Variants in PRDM16 observed in about 807,000 individuals in gnomAD.
PRDM16 encodes the protein PR/SET domain 16.
In PRDM16, 23 loss-of-function variants were observed where a neutral mutation model predicts 110.6. The observed-to-expected ratio is 0.21, with a 90% CI of 0.15 to 0.29. PRDM16 has a LOEUF of 0.29. PRDM16 is among the 10% of genes least tolerant of loss of function. The probability of loss-of-function intolerance (pLI) is 1.00; values close to 1 mark genes in which losing one functional copy is unlikely to be tolerated. For synonymous variants in PRDM16, 799 were observed against 781.8 expected, an observed-to-expected ratio of 1.02 and a Z score of -0.37; for missense variants, 1,615 against 1,794.3, an observed-to-expected ratio of 0.90 and a Z score of 1.81.
At chr1:3,152,394 A>T (rs945596563) in intron 1 of PRDM16, among the ~76,000 whole-genome samples, 1 of 117,516 alleles carries the variant, frequency 8.5e-6, no homozygotes, top group Non-Finnish European at 1.6e-5. Context: ...TTATCCATCC[A>T]TCCATCCATT....
At chr1:3,110,303 C>A (rs1186704971) in intron 1 of PRDM16, among the ~76,000 whole-genome samples, 2 of 147,734 alleles carry the variant, frequency 1.4e-5, no homozygotes, top group Non-Finnish European at 3.0e-5. Flanking sequence ...TCTGCGGCTC[C>A]CCCATGTCCT....
chr1:3,070,134 TC>T (rs2100492956), intron 1 of PRDM16, among the ~76,000 whole-genome samples: 1 of 151,794 alleles, frequency 6.6e-6, no homozygotes, highest in East Asian at 2.0e-4. Flanking sequence ...CGTGGACCCC[TC>T]TGTACCCGCT....
intron 1 of PRDM16, among the ~76,000 whole-genome samples, chr1:3,155,609 C>A (rs1643848350): frequency 6.6e-6 from 1 of 152,284 alleles, no homozygotes. Flanking sequence ...GGGCCGCAGG[C>A]TCCCAGCACG....
chr1:3,237,432 G>A (rs1476115793), intron 2 of PRDM16, among the ~76,000 whole-genome samples: 5 of 152,098 alleles, frequency 3.3e-5, no homozygotes, highest in South Asian at 2.1e-4. Context: ...CCTCTTCCTC[G>A]TGTTGATGTT....
Position 3,175,761 on chromosome 1 carries a change from C to T in PRDM16, c.38-10364C>T, listed in dbSNP as rs1038070447. Among the ~76,000 whole-genome samples, 4 of 152,266 alleles carry T rather than the reference C, an allele frequency of 2.6e-5. No individual in the cohort carries two copies. The highest frequency in any genetic ancestry group is 4.1e-4 in the South Asian group (2 of 4,824). On this transcript the variant is annotated intron_variant, in intron 1 of 16. Transcript: ENST00000270722. This position sits in a 1 kb window ranked among gnomAD's most constrained non-coding sequence, Gnocchi z 4.8. Reference sequence around the variant, plus strand: ...GCAGCAGAGAAACCAGCCCTTTCTCCGAGGCAGGGCCTGGCTGAGAAAGCC... The same window carrying T: ...GCAGCAGAGAAACCAGCCCTTTCTCTGAGGCAGGGCCTGGCTGAGAAAGCC...
intron 1 of PRDM16, among the ~76,000 whole-genome samples, chr1:3,106,170 A>C (rs1642647938): frequency 6.6e-6 from 1 of 152,134 alleles, no homozygotes. Flanking sequence ...TATGGGGGGA[A>C]GCCCCTGGGG....
intron 3 of PRDM16, among the ~76,000 whole-genome samples, chr1:3,383,514 C>G (rs932064602): frequency 6.6e-6 from 1 of 152,158 alleles, no homozygotes; most frequent in Non-Finnish European, 1.5e-5. Context: ...AGAGGGAACA[C>G]CATGCACAGA....
At chr1:3,372,370 T>A (rs1229600156) in intron 3 of PRDM16, among the ~76,000 whole-genome samples, 1 of 152,214 alleles carries the variant, frequency 6.6e-6, no homozygotes, top group African/African-American at 2.4e-5. Flanking sequence ...TCATGAAGAA[T>A]TCCTCCCGCA....
intron 3 of PRDM16, among the ~76,000 whole-genome samples, chr1:3,356,439 G>A (rs1190776490): frequency 3.3e-5 from 5 of 152,238 alleles, no homozygotes; most frequent in East Asian, 1.9e-4. Flanking sequence ...GGAGACGGGA[G>A]TGGGGGAGGC....
chr1:3,417,850 C>G lies in PRDM16; in HGVS notation c.2714C>G (p.Thr905Arg). 4 of 1,613,854 alleles carry G rather than the reference C, an allele frequency of 2.5e-6. No homozygotes were observed. The highest frequency in any genetic ancestry group is 8.5e-7 in the Non-Finnish European group (1 of 1,179,944). The change falls in exon 11 of 17, where the codon ACA (threonine) becomes AGA (arginine). Residue 905 changes from threonine (T) to arginine (R), a missense_variant. By Grantham distance (71) the Thr-to-Arg change is moderately conservative. Coordinates refer to ENST00000270722, the MANE Select transcript of PRDM16 (RefSeq NM_022114.4). ...HPQMSAIETM[T>R]EKLESFAAMK... Reference sequence around the variant, plus strand: ...CAGATGTCAGCCATAGAGACCATGACAGAGAAGCTGGAGAGCTTTGCAGCC... The same window carrying G: ...CAGATGTCAGCCATAGAGACCATGAGAGAGAAGCTGGAGAGCTTTGCAGCC...
chr1:3,174,528 G>A (rs1468721205), intron 1 of PRDM16, among the ~76,000 whole-genome samples: 1 of 152,150 alleles, frequency 6.6e-6, no homozygotes, highest in Admixed American at 6.5e-5. Flanking sequence ...CCTGGAGTGG[G>A]TCTCAATCTG....
At chr1:3,240,834 C>T (rs1376439226) in intron 2 of PRDM16, among the ~76,000 whole-genome samples, 1 of 152,230 alleles carries the variant, frequency 6.6e-6, no homozygotes, top group Non-Finnish European at 1.5e-5. Context: ...TTCTGACCAA[C>T]CCCACTTAGC....
At chr1:3,203,050 T>G (rs1251668945) in intron 2 of PRDM16, among the ~76,000 whole-genome samples, 1 of 152,214 alleles carries the variant, frequency 6.6e-6, no homozygotes, top group Admixed American at 6.5e-5. Context: ...GAACTGGCAT[T>G]CTTCATCCCC....
At chr1:3,269,548 T>C (rs1640380235) in intron 3 of PRDM16, among the ~76,000 whole-genome samples, 4 of 105,598 alleles carry the variant, frequency 3.8e-5, no homozygotes, top group South Asian at 6.2e-4. Context: ...AGCACAGTCC[T>C]GGAAGACAGT....
Position 3,082,490 on chromosome 1 carries a change from G to A in PRDM16, c.37+13194G>A, listed in dbSNP as rs144705971. Among the ~76,000 whole-genome samples, 388 of 152,348 alleles carry A rather than the reference G, an allele frequency of 2.5e-3. 1 individual carries two copies. Among genetic ancestry groups the A allele is most frequent in the African/African-American group, 8.9e-3 (372 of 41,582 alleles). On this transcript the variant is annotated intron_variant, in intron 1 of 16. Transcript: ENST00000270722. ...GGGACCATTCCCAAGGAGCCCCTGA[G>A]CTGGGCTGAATGGTGTTCAGAGATG...
chr1:3,317,910 G>A (rs1641649236), intron 3 of PRDM16, among the ~76,000 whole-genome samples: 1 of 152,198 alleles, frequency 6.6e-6, no homozygotes, highest in South Asian at 2.1e-4. Context: ...GTGGTTACTG[G>A]CACATTACAT....
intron 1 of PRDM16, among the ~76,000 whole-genome samples, chr1:3,071,559 T>C (rs1431392189): frequency 6.6e-6 from 1 of 152,230 alleles, no homozygotes; most frequent in African/African-American, 2.4e-5. Flanking sequence ...AGGATCACAC[T>C]GCCTGCCCTG....
chr1:3,190,367 G>A lies in PRDM16; in HGVS notation c.387+3893G>A, dbSNP rs1348818940. Among the ~76,000 whole-genome samples, 2 of 152,198 alleles carry A rather than the reference G, an allele frequency of 1.3e-5. No individual in the cohort carries two copies. The highest frequency in any genetic ancestry group is 4.8e-5 in the African/African-American group (2 of 41,430). On this transcript the variant is annotated intron_variant, in intron 2 of 16. Transcript: ENST00000270722. The surrounding 1 kb of genome is among the most constrained non-coding windows in gnomAD (Gnocchi z 5.0). ...GGGGTCGGGAGCTGAGTTTCCTCCG[G>A]CCTCAGTTGCTGGTCGGAAGCCTGC...
rs576772653 is a variant in PRDM16 at position 3,295,463 on chromosome 1, A to T, written c.438+51326A>T. 8.7e-4 allele frequency among the ~76,000 whole-genome samples: 132 copies of T among 152,274 alleles called. 1 individual carries two copies. The highest frequency in any genetic ancestry group is 3.0e-3 in the African/African-American group (126 of 41,570). Reference sequence around the variant, plus strand: ...ATCCCTCGAGGACCCCCTACAGCCCAAACCTCCAGGAGCACCAGCGTGTGG... The same window carrying T: ...ATCCCTCGAGGACCCCCTACAGCCCTAACCTCCAGGAGCACCAGCGTGTGG... On this transcript the variant is annotated intron_variant, in intron 3 of 16. Coordinates refer to ENST00000270722, the MANE Select transcript of PRDM16 (RefSeq NM_022114.4).
Sources: allele counts gnomAD v4.1 joint callset (sites outside exome capture counted in the v4.1 genomes callset), GRCh38; gene constraint gnomAD v4.1.1; non-coding constraint Gnocchi (gnomAD v3.1); transcripts MANE v1.5; gene names NCBI Gene and HGNC (gene_info 2026-07-23, HGNC 2026-07-21).